Variants in ROR1 observed in about 807,000 individuals in gnomAD.
The protein encoded by ROR1 is inactive tyrosine-protein kinase transmembrane receptor ROR1.
Under a neutral mutation model 78.8 loss-of-function variants are expected in ROR1, and 19 were observed. The ratio of observed to expected loss-of-function variants is 0.24; its 90% CI spans 0.17 to 0.35. ROR1 has a LOEUF of 0.35. Among genes scored for constraint, ROR1 ranks in the 10% least tolerant of loss-of-function variants. ROR1 has a pLI of 1.00. For missense variants in ROR1, 917 were observed against 1,177.8 expected (o/e 0.78, Z 3.24); for synonymous variants, 386 against 433.6 (o/e 0.89, Z 1.36).
At chr1:63,914,987 G>A (rs1019031802) in intron 1 of ROR1, among the ~76,000 whole-genome samples, 26 of 152,280 alleles carry the variant, frequency 1.7e-4, no homozygotes, top group African/African-American at 6.3e-4. Context: ...GTGGTTAATT[G>A]CAAAGCACTG....
intron 4 of ROR1, among the ~76,000 whole-genome samples, chr1:64,135,671 G>C (rs1024494095): frequency 2.6e-5 from 4 of 152,080 alleles, no homozygotes; most frequent in Non-Finnish European, 4.4e-5. Flanking sequence ...AGCCAAAAAG[G>C]CTTCAGCATT....
At chr1:64,115,248 C>T (rs1027559749) in intron 4 of ROR1, among the ~76,000 whole-genome samples, 4 of 151,620 alleles carry the variant, frequency 2.6e-5, no homozygotes, top group Admixed American at 6.6e-5. Flanking sequence ...TTATAACTTG[C>T]TCTGTTGCCC....
intron 1 of ROR1, among the ~76,000 whole-genome samples, chr1:63,967,721 G>T (rs1350902480): frequency 6.6e-6 from 1 of 152,188 alleles, no homozygotes; most frequent in Non-Finnish European, 1.5e-5. Flanking sequence ...ACTAAAGTCA[G>T]TGATAAAATC....
chr1:64,003,310 G>A (rs183796151), intron 1 of ROR1, among the ~76,000 whole-genome samples: 15 of 151,912 alleles, frequency 9.9e-5, no homozygotes, highest in Admixed American at 9.2e-4. Context: ...ACATATATAA[G>A]AATTATGCTG....
chr1:64,092,507 TGAGA>T (rs140877516), intron 4 of ROR1, among the ~76,000 whole-genome samples: 5,386 of 152,220 alleles, frequency 0.035, 124 homozygotes, highest in Non-Finnish European at 0.052. Context: ...GGAGGTGTCT[TGAGA>T]GTCTGTCCTA....
At chr1:63,855,958 A>T (rs1351144736) in intron 1 of ROR1, among the ~76,000 whole-genome samples, 1 of 151,932 alleles carries the variant, frequency 6.6e-6, no homozygotes, top group Non-Finnish European at 1.5e-5. Context: ...CGCCCTGCTG[A>T]TGTAGCTCTT....
intron 1 of ROR1, among the ~76,000 whole-genome samples, chr1:63,944,940 A>G (rs1645872193): frequency 6.6e-6 from 1 of 152,212 alleles, no homozygotes; most frequent in African/African-American, 2.4e-5. Flanking sequence ...TCTCTTGCAT[A>G]TTAAAATTAC....
At chr1:64,025,626 T>C (rs770758908) in intron 2 of ROR1, among the ~76,000 whole-genome samples, 15 of 151,156 alleles carry the variant, frequency 9.9e-5, no homozygotes, top group Non-Finnish European at 1.9e-4. Flanking sequence ...TACACACATA[T>C]GTACATATAT....
chr1:63,917,005 G>T (rs74851028), intron 1 of ROR1, among the ~76,000 whole-genome samples: 2,069 of 152,222 alleles, frequency 0.014, 45 homozygotes, highest in African/African-American at 0.048. Context: ...GAGCCCTTCT[G>T]CTCCCTTCCC....
At chr1:64,119,439 G>A (rs1207065378) in intron 4 of ROR1, among the ~76,000 whole-genome samples, 1 of 152,078 alleles carries the variant, frequency 6.6e-6, no homozygotes, top group Non-Finnish European at 1.5e-5. Context: ...AGCAGTTCCA[G>A]ACTGGCCTGG....
chr1:64,138,546 CTT>C (rs1185135650), intron 5 of ROR1, among the ~76,000 whole-genome samples: 19 of 133,614 alleles, frequency 1.4e-4, no homozygotes, highest in Non-Finnish European at 9.8e-5. Context: ...GGGAGGAGGA[CTT>C]TTTTTTTTTT....
In ROR1 at chr1:64,169,589, C is replaced by T. The variant is rs184567464; in HGVS notation, c.1387-7839C>T. Among the ~76,000 whole-genome samples, 14 of 152,228 alleles carry T rather than the reference C, an allele frequency of 9.2e-5. 1 individual carries two copies. Among genetic ancestry groups the T allele is most frequent in the Admixed American group, 9.2e-4 (14 of 15,300 alleles). ...AAACCATATCATTTGACCCCTGGTC[C>T]CTTTCAAATCTCATTTCCTTACATT... On this transcript the variant is annotated intron_variant, in intron 8 of 8. Transcript: ENST00000371079.
At chr1:63,848,651 G>T (rs539364372) in intron 1 of ROR1, among the ~76,000 whole-genome samples, 1 of 152,104 alleles carries the variant, frequency 6.6e-6, no homozygotes, top group Non-Finnish European at 1.5e-5. Context: ...AGGCTTAGAT[G>T]AATGTGCCAT....
chr1:63,887,332 G>GA (rs1229332182), intron 1 of ROR1, among the ~76,000 whole-genome samples: 1 of 152,146 alleles, frequency 6.6e-6, no homozygotes, highest in Non-Finnish European at 1.5e-5. Context: ...TTGAAATTGT[G>GA]ATGGGGCTAA....
intron 2 of ROR1, among the ~76,000 whole-genome samples, chr1:64,037,312 T>C (rs1368487439): frequency 1.3e-5 from 2 of 152,132 alleles, no homozygotes; most frequent in Non-Finnish European, 2.9e-5. Context: ...TATGAAAAAA[T>C]GAACACTTTT....
intron 4 of ROR1, among the ~76,000 whole-genome samples, chr1:64,102,053 G>A (rs1647571028): frequency 6.6e-6 from 1 of 152,154 alleles, no homozygotes. Flanking sequence ...CTGTATTCAG[G>A]TGATGAGAAA....
At chr1:64,145,027 C>G (rs1649437410) in intron 7 of ROR1, among the ~76,000 whole-genome samples, 1 of 152,050 alleles carries the variant, frequency 6.6e-6, no homozygotes, top group African/African-American at 2.4e-5. Context: ...AACTGAAAAA[C>G]CCTATGATGT....
intron 4 of ROR1, among the ~76,000 whole-genome samples, chr1:64,095,591 A>G (rs957194351): frequency 1.1e-4 from 17 of 152,172 alleles, no homozygotes; most frequent in African/African-American, 4.1e-4. Context: ...TTTAGGTGGT[A>G]GTTACAGAGC....
At chr1:64,114,004 C>A (rs1393824005) in intron 4 of ROR1, among the ~76,000 whole-genome samples, 7 of 152,136 alleles carry the variant, frequency 4.6e-5, no homozygotes, top group Non-Finnish European at 8.8e-5. Context: ...AAGTGCTTGG[C>A]ATGACTCCTG....
Sources: gnomAD v4.1 joint callset for allele counts (sites outside exome capture counted in the v4.1 genomes callset) on GRCh38, gnomAD v4.1.1 for gene constraint, MANE v1.5 for transcripts, NCBI Gene and HGNC (gene_info 2026-07-23, HGNC 2026-07-21) for gene names.